The following ATG10 variants were observed in gnomAD, a reference collection of about 807,000 sequenced individuals.
ATG10 encodes autophagy related 10.
ATG10 carries 30 observed loss-of-function variants against 32.1 expected under a neutral mutation model. That is an observed-to-expected ratio of 0.94 (90% confidence interval 0.70 to 1.27). The LOEUF is 1.27. Ranked by LOEUF, ATG10 falls within the 50% of genes most tolerant of loss-of-function variation. The probability of loss-of-function intolerance (pLI) is 0.00; values close to 1 mark genes in which losing one functional copy is unlikely to be tolerated. For synonymous variants in ATG10, 87 were observed against 91.5 expected (o/e 0.95, Z 0.28); for missense variants, 233 against 262.3 (o/e 0.89, Z 0.77).
intron 3 of ATG10, among the ~76,000 whole-genome samples, chr5:82,152,481 G>A (rs1767644191): frequency 6.6e-6 from 1 of 152,148 alleles, no homozygotes; most frequent in Non-Finnish European, 1.5e-5. Context: ...CTTTTCAATG[G>A]GCACCTTAAA....
At chr5:81,977,997 G>T (rs1760916584) in intron 1 of ATG10, among the ~76,000 whole-genome samples, 1 of 152,076 alleles carries the variant, frequency 6.6e-6, no homozygotes, top group Non-Finnish European at 1.5e-5. Flanking sequence ...ATGGCACTTG[G>T]TAGTATATTT....
intron 3 of ATG10, among the ~76,000 whole-genome samples, chr5:82,103,269 T>C (rs984675954): frequency 6.6e-6 from 1 of 152,212 alleles, no homozygotes; most frequent in Non-Finnish European, 1.5e-5. Context: ...TAAAATAATT[T>C]ATTTGTAAAG....
intron 5 of ATG10, among the ~76,000 whole-genome samples, chr5:82,235,736 C>T (rs530055739): frequency 3.9e-5 from 6 of 152,240 alleles, no homozygotes; most frequent in African/African-American, 1.4e-4. Context: ...TTTACTGGAA[C>T]AAAACATTTT....
At chr5:82,069,355 CA>C (rs1437412513) in intron 3 of ATG10, among the ~76,000 whole-genome samples, 1 of 152,080 alleles carries the variant, frequency 6.6e-6, no homozygotes, top group Non-Finnish European at 1.5e-5. Flanking sequence ...ATCATTTTTA[CA>C]TAAAATCATT....
chr5:82,232,539 A>G (rs1746402717), intron 5 of ATG10, among the ~76,000 whole-genome samples: 1 of 152,208 alleles, frequency 6.6e-6, no homozygotes, highest in Non-Finnish European at 1.5e-5. Flanking sequence ...GGTAATATAT[A>G]TTAATGCATA....
At position 82,178,571 on chromosome 5, in the gene ATG10, A is replaced by G. The variant is rs759100306; in HGVS notation, c.437A>G (p.Asp146Gly). The change falls in exon 5 of 8, where the codon GAC (aspartate) becomes GGC (glycine). Residue 146 changes from aspartate (D) to glycine (G), a missense_variant. By Grantham distance (94) the Asp-to-Gly change is moderately conservative (BLOSUM62 -1). Transcript: ENST00000282185. ...YKMRLLQGPW[D>G]TITQQEHPIL... ...ATGCGACTGCTACAGGGACCATGGGACACTATTACGCAACAGGTTGGAGAG... is the reference window on the plus strand; with the variant it reads ...ATGCGACTGCTACAGGGACCATGGGGCACTATTACGCAACAGGTTGGAGAG... 5.6e-5 allele frequency: 90 copies of G among 1,608,646 alleles called. No homozygotes were observed. In the South Asian group the frequency reaches 9.5e-4, roughly 17 times the overall value.
chr5:82,198,421 C>G (rs1002398542), intron 5 of ATG10, among the ~76,000 whole-genome samples: 6 of 152,090 alleles, frequency 3.9e-5, no homozygotes, highest in Admixed American at 3.9e-4. Context: ...CACCACCATG[C>G]CTGGCTAATT....
At chr5:82,048,436 C>G (rs1581634704) in intron 2 of ATG10, among the ~76,000 whole-genome samples, 1 of 151,860 alleles carries the variant, frequency 6.6e-6, no homozygotes, top group Non-Finnish European at 1.5e-5. Context: ...TCCTTCACAT[C>G]CCTTGTAAGT....
chr5:82,166,263 T>G (rs1743577874), intron 4 of ATG10, among the ~76,000 whole-genome samples: 1 of 152,240 alleles, frequency 6.6e-6, no homozygotes, highest in Admixed American at 6.5e-5. Flanking sequence ...ACTTTTACAA[T>G]GCCCTCCATT....
intron 5 of ATG10, among the ~76,000 whole-genome samples, chr5:82,203,241 A>AG (rs1208160863): frequency 1.3e-5 from 2 of 151,212 alleles, no homozygotes; most frequent in Admixed American, 6.6e-5. Context: ...AAAAAAAAAA[A>AG]GTAATGGGGA....
At chr5:82,030,995 T>A (rs191388279) in intron 2 of ATG10, among the ~76,000 whole-genome samples, 1 of 152,192 alleles carries the variant, frequency 6.6e-6, no homozygotes, top group East Asian at 1.9e-4. Flanking sequence ...TTATTATTAT[T>A]ATTATCATCA....
At chr5:82,093,418 T>A (rs1419252196) in intron 3 of ATG10, among the ~76,000 whole-genome samples, 2 of 152,196 alleles carry the variant, frequency 1.3e-5, no homozygotes, top group Non-Finnish European at 2.9e-5. Context: ...ATAGTTTTCA[T>A]GTCTAGAAGT....
chr5:81,994,714 T>C (rs940805234), intron 2 of ATG10, among the ~76,000 whole-genome samples: 1 of 152,244 alleles, frequency 6.6e-6, no homozygotes, highest in African/African-American at 2.4e-5. Context: ...ATCTTTATAG[T>C]CACTGCAGTT....
intron 5 of ATG10, among the ~76,000 whole-genome samples, chr5:82,223,627 C>T (rs1406656820): frequency 6.6e-6 from 1 of 152,066 alleles, no homozygotes; most frequent in Non-Finnish European, 1.5e-5. Context: ...ATGGCATGGT[C>T]TTCTTTCCCC....
At chr5:82,003,138 T>C (rs1761895159) in intron 2 of ATG10, among the ~76,000 whole-genome samples, 1 of 152,158 alleles carries the variant, frequency 6.6e-6, no homozygotes, top group Admixed American at 6.5e-5. Context: ...AAAATGCAAA[T>C]AAGTACTTAT....
chr5:82,011,652 G>A (rs1762131148), intron 2 of ATG10, among the ~76,000 whole-genome samples: 1 of 152,224 alleles, frequency 6.6e-6, no homozygotes, highest in African/African-American at 2.4e-5. Context: ...CAGAGGTTAT[G>A]CTCAAACACC....
intron 3 of ATG10, among the ~76,000 whole-genome samples, chr5:82,130,774 G>A (rs776336264): frequency 3.9e-5 from 6 of 152,212 alleles, no homozygotes; most frequent in Admixed American, 6.5e-5. Flanking sequence ...GCTGCAGACC[G>A]GAGCAGTTCC....
intron 2 of ATG10, among the ~76,000 whole-genome samples, chr5:82,021,290 G>A (rs1412995981): frequency 6.6e-6 from 1 of 152,200 alleles, no homozygotes; most frequent in Non-Finnish European, 1.5e-5. Flanking sequence ...GGTATGTGGA[G>A]GGGTGAAAGA....
At chr5:82,156,398 G>T (rs971614094) in intron 3 of ATG10, among the ~76,000 whole-genome samples, 1 of 152,102 alleles carries the variant, frequency 6.6e-6, no homozygotes, top group South Asian at 2.1e-4. Context: ...TAGAATTTTG[G>T]GGGTGGAGGC....
Sources: allele counts gnomAD v4.1 joint callset (sites outside exome capture counted in the v4.1 genomes callset), GRCh38; gene constraint gnomAD v4.1.1; transcripts MANE v1.5; gene names NCBI Gene and HGNC (gene_info 2026-07-23, HGNC 2026-07-21).